The following PODN variants were observed in gnomAD, a reference collection of about 807,000 sequenced individuals.
PODN encodes podocan.
In PODN, 40 loss-of-function variants were observed where a neutral mutation model predicts 52.7. The observed-to-expected ratio is 0.76, with a 90% confidence interval of 0.59 to 0.99. The LOEUF is 0.99. PODN is among the 50% of genes least tolerant of loss of function. The pLI is 0.00. For missense variants in PODN, 720 were observed against 815.1 expected (o/e 0.88, Z 1.42); for synonymous variants, 396 against 377.9 (o/e 1.05, Z -0.56).
At chr1:53,083,572 T>G (rs1644324161) in intron 10 of PODN, among the ~76,000 whole-genome samples, 1 of 152,182 alleles carries the variant, frequency 6.6e-6, no homozygotes, top group South Asian at 2.1e-4. Context: ...CCCTCCAGTC[T>G]TCCGTTTTCT....
intron 4 of PODN, 87 bp from the exon 5 acceptor site, chr1:53,075,775 G>T: frequency 8.7e-7 from 1 of 1,149,922 alleles, no homozygotes; most frequent in South Asian, 1.3e-5. Flanking sequence ...ACACAGTGAA[G>T]GGGCCCCGGT....
intron 1 of PODN, among the ~76,000 whole-genome samples, chr1:53,067,572 G>C (rs977732899): frequency 6.6e-6 from 1 of 152,126 alleles, no homozygotes; most frequent in Non-Finnish European, 1.5e-5. Flanking sequence ...AGGCGGCTAC[G>C]ATGTCTGCAA....
At position 53,078,760 on chromosome 1, in the gene PODN, C is replaced by G. The variant is rs547303291; in HGVS notation, c.1250C>G (p.Thr417Ser). ...CTCAACCTCAGCTACAACCGCATCA[C>G]CAGCCCGCAGGTGCACCGCGACGCC... ...EELNLSYNRI[T>S]SPQVHRDAFR... The change falls in exon 8 of 11, where the codon ACC (threonine) becomes AGC (serine). Residue 417 changes from threonine (T) to serine (S), a missense_variant. Thr to Ser is a moderately conservative substitution (Grantham distance 58). Coordinates refer to ENST00000312553, the MANE Select transcript of PODN (RefSeq NM_153703.5). The G allele has an allele frequency of 1.1e-5, 17 of 1,613,400 alleles. No homozygotes were observed. The highest frequency in any genetic ancestry group is 1.4e-5 in the Non-Finnish European group (17 of 1,179,966).
intron 1 of PODN, among the ~76,000 whole-genome samples, chr1:53,065,430 G>A (rs572409482): frequency 1.3e-5 from 2 of 152,248 alleles, no homozygotes; most frequent in African/African-American, 4.8e-5. Flanking sequence ...CGGCAAACCA[G>A]GTAGTAGGGC....
chr1:53,063,664 C>A, intron 1 of PODN: 2 of 767,136 alleles, frequency 2.6e-6, no homozygotes, highest in Non-Finnish European at 3.2e-6. Context: ...AAGACCCAGT[C>A]TACTCTAGCC....
At position 53,071,566 on chromosome 1, in the gene PODN, A is replaced by G. The variant is rs1227445142; in HGVS notation, c.344A>G (p.Glu115Gly). 2 of 1,613,944 alleles carry G rather than the reference A, an allele frequency of 1.2e-6. No individual in the cohort carries two copies. Among genetic ancestry groups the G allele is most frequent in the Non-Finnish European group, 1.7e-6 (2 of 1,179,970 alleles). The change falls in exon 3 of 11, where the codon GAG (glutamate) becomes GGG (glycine). Residue 115 changes from glutamate (E) to glycine (G), a missense_variant. By Grantham distance (98) the Glu-to-Gly change is moderately conservative. Coordinates refer to ENST00000312553, the MANE Select transcript of PODN (RefSeq NM_153703.5). Reference sequence around the variant, plus strand: ...CAGCTGGAAAAGATCTACCCTGAGGAGCTCTCCCGGCTGCACCGGCTGGAG... The same window carrying G: ...CAGCTGGAAAAGATCTACCCTGAGGGGCTCTCCCGGCTGCACCGGCTGGAG... ...NNQLEKIYPE[E>G]LSRLHRLETL... is the part of the protein sequence containing the mutation.
intron 10 of PODN, among the ~76,000 whole-genome samples, chr1:53,084,044 T>C (rs1431412914): frequency 6.7e-6 from 1 of 150,136 alleles, no homozygotes; most frequent in Admixed American, 6.6e-5. Flanking sequence ...GAGAGAAGAG[T>C]GTGCACAGAG....
At chr1:53,063,384 T>C in intron 1 of PODN, 1 of 985,760 alleles carries the variant, frequency 1.0e-6, no homozygotes, top group Non-Finnish European at 1.2e-6. Flanking sequence ...GGGGAAGCTG[T>C]GGTCTGCCCT....
At chr1:53,063,934 G>C (rs12058200) in intron 1 of PODN, among the ~76,000 whole-genome samples, 1 of 151,842 alleles carries the variant, frequency 6.6e-6, no homozygotes, top group Non-Finnish European at 1.5e-5. Flanking sequence ...TTAAACACAC[G>C]TCCCTCTCCT....
intron 1 of PODN, among the ~76,000 whole-genome samples, chr1:53,065,602 C>T (rs561355216): frequency 2.6e-5 from 4 of 152,324 alleles, no homozygotes; most frequent in East Asian, 3.9e-4. Flanking sequence ...GTCCCAATTG[C>T]GCACCCTCGT....
chr1:53,062,365 C>G (rs1298339366), intron 1 of PODN, 57 bp downstream of exon 1: 1 of 1,155,502 alleles, frequency 8.7e-7, no homozygotes, highest in East Asian at 3.3e-5. Flanking sequence ...GCCCGGGCAG[C>G]GCACTCAGAC....
chr1:53,075,580 C>T (rs112107701), intron 4 of PODN, among the ~76,000 whole-genome samples: 3 of 152,348 alleles, frequency 2.0e-5, no homozygotes, highest in African/African-American at 7.2e-5. Flanking sequence ...GTGTAAAAGC[C>T]ACACCCACCT....
Position 53,071,603 on chromosome 1 carries a change from G to C in PODN, c.381G>C (p.Leu127=), listed in dbSNP as rs1159744199. The C allele has an allele frequency of 4.3e-6, 7 of 1,613,806 alleles. No homozygotes were observed. Among genetic ancestry groups the C allele is most frequent in the Non-Finnish European group, 5.9e-6 (7 of 1,179,920 alleles). ...TGCACCGGCTGGAGACGCTGAACCT[G>C]CAAAACAACCGCCTGACTTCCCGAG... ...SRLHRLETLN[L]QNNRLTSRGL... Residue 127 remains leucine, a synonymous_variant, in exon 3 of 11, where the codon CTG becomes CTC. Coordinates refer to ENST00000312553, the MANE Select transcript of PODN (RefSeq NM_153703.5).
intron 3 of PODN, chr1:53,073,743 A>G (rs1329713184): frequency 6.6e-6 from 1 of 152,220 alleles, no homozygotes; most frequent in Non-Finnish European, 1.5e-5. Flanking sequence ...ATTTGTTTCC[A>G]TTTTTAAAAA....
At chr1:53,074,407 T>C (rs1176579946) in intron 3 of PODN, among the ~76,000 whole-genome samples, 199 bp from the exon 4 acceptor site, 1 of 152,210 alleles carries the variant, frequency 6.6e-6, no homozygotes, top group Non-Finnish European at 1.5e-5. Context: ...AATAACTGCC[T>C]GCTCCTCTGA....
Position 53,078,542 on chromosome 1 carries a change from G to C in PODN, c.1032G>C (p.Gln344His), listed in dbSNP as rs369210920. 7.4e-5 allele frequency: 120 copies of C among 1,613,072 alleles called. No homozygotes were observed. Among genetic ancestry groups the C allele is most frequent in the Non-Finnish European group, 9.7e-5 (114 of 1,180,040 alleles). Residue 344 changes from glutamine to histidine, a missense_variant, in exon 8 of 11, where the codon CAG becomes CAC. Transcript: ENST00000312553. ...AGTACCTGCTGCTGCACAGCAACCA[G>C]CTGCGGGAGCAGGGCATCCACCCAC... ...SLEYLLLHSN[Q>H]LREQGIHPLA...
At position 53,081,379 on chromosome 1, in the gene PODN, C is replaced by T. The variant is rs141229114; in HGVS notation, c.1661+503C>T. ...CTTCCCACAATCCCTGCCCCCAAATCAGAGAGAAGGAGACAAGGCAGAGAT... is the reference window on the plus strand; with the variant it reads ...CTTCCCACAATCCCTGCCCCCAAATTAGAGAGAAGGAGACAAGGCAGAGAT... On this transcript the variant is annotated intron_variant, in intron 9 of 10. Coordinates refer to ENST00000312553, the MANE Select transcript of PODN (RefSeq NM_153703.5). Among the ~76,000 whole-genome samples the T allele has an allele frequency of 6.2e-4, 95 of 152,328 alleles. 1 individual carries two copies. Among genetic ancestry groups the T allele is most frequent in the African/African-American group, 2.2e-3 (90 of 41,570 alleles).
rs770277164 is a variant in PODN, at chr1:53,078,913, G to T, written c.1403G>T (p.Arg468Leu). ...VKRNELAALA[R>L]GALVGMAQLR... is the part of the protein sequence containing the mutation. Reference sequence around the variant, plus strand: ...CGCAATGAGCTGGCTGCCTTGGCACGAGGGGCGCTGGTGGGCATGGCTCAG... The same window carrying T: ...CGCAATGAGCTGGCTGCCTTGGCACTAGGGGCGCTGGTGGGCATGGCTCAG... The change falls in exon 8 of 11, where the codon CGA becomes CTA. Residue 468 changes from arginine (R) to leucine (L), a missense_variant. By Grantham distance (102) the Arg-to-Leu change is moderately radical (BLOSUM62 -2). Transcript: ENST00000312553. 6.2e-7 allele frequency: 1 copy of T among 1,603,714 alleles called. No individual in the cohort carries two copies. Among genetic ancestry groups the T allele is most frequent in the Non-Finnish European group, 8.5e-7 (1 of 1,175,500 alleles).
chr1:53,074,776 GTCCTTGTTGCTGCTC>G, intron 4 of PODN, 106 bp downstream of exon 4: 4 of 1,090,050 alleles, frequency 3.7e-6, no homozygotes, highest in Admixed American at 1.8e-5. Context: ...TCCCTGCTGG[GTCCTTGTTGCTGCTC>G]AGACATGGCC....
Sources: gnomAD v4.1 joint callset for allele counts (sites outside exome capture counted in the v4.1 genomes callset) on GRCh38, gnomAD v4.1.1 for gene constraint, MANE v1.5 for transcripts, NCBI Gene and HGNC (gene_info 2026-07-23, HGNC 2026-07-21) for gene names.